The following EPG5 variants were observed in gnomAD, a reference collection of about 807,000 sequenced individuals.
EPG5 encodes the protein ectopic P granules protein 5 homolog.
A neutral mutation model predicts 302.7 loss-of-function variants in EPG5; 159 were observed. The observed-to-expected ratio is 0.53, with a 90% CI of 0.46 to 0.60. The LOEUF (loss-of-function observed/expected upper bound fraction) is 0.60, where lower values mean the gene tolerates loss of function less well. EPG5 is among the 20% of genes least tolerant of loss of function. The probability of loss-of-function intolerance (pLI) is 0.00; values close to 1 mark genes in which losing one functional copy is unlikely to be tolerated. For synonymous variants in EPG5, 1,158 were observed against 1,136.8 expected (o/e 1.02, Z -0.37); for missense variants, 2,896 against 3,092.4 (o/e 0.94, Z 1.51).
intron 9 of EPG5, among the ~76,000 whole-genome samples, chr18:45,941,319 C>A (rs2050661394): frequency 6.6e-6 from 1 of 152,080 alleles, no homozygotes; most frequent in African/African-American, 2.4e-5. Context: ...GTGAGAGATG[C>A]CAAGTAGGAT....
At chr18:45,870,243 G>T (rs1160846750) in intron 36 of EPG5, among the ~76,000 whole-genome samples, 1 of 152,130 alleles carries the variant, frequency 6.6e-6, no homozygotes, top group Non-Finnish European at 1.5e-5. Flanking sequence ...AAACTGTAAT[G>T]ACACAAACAC....
the EPG5 span, chr18:45,829,309 T>G: frequency 4.1e-6 from 1 of 243,654 alleles, no homozygotes; most frequent in Non-Finnish European, 6.6e-6. Flanking sequence ...ACCTCACCCC[T>G]TCCCGGGAAC....
At chr18:45,958,326 GA>G (rs767440656) in intron 1 of EPG5, among the ~76,000 whole-genome samples, 7 of 152,248 alleles carry the variant, frequency 4.6e-5, no homozygotes, top group South Asian at 4.1e-4. Context: ...TTGATAAACT[GA>G]TACTTAAATT....
chr18:45,921,963 T>TAAA (rs751461636), intron 16 of EPG5, among the ~76,000 whole-genome samples: 2 of 113,050 alleles, frequency 1.8e-5, no homozygotes, highest in African/African-American at 3.2e-5. Context: ...AAGTAAAATT[T>TAAA]AAAAAAAAAA....
At chr18:45,882,510 A>C in intron 30 of EPG5, 23 bp from the exon 31 acceptor site, 2 of 1,591,008 alleles carry the variant, frequency 1.3e-6, no homozygotes, top group Non-Finnish European at 1.7e-6. Flanking sequence ...AGAAACAAAA[A>C]GCCGTTTTAT....
chr18:45,855,296 T>A, intron 43 of EPG5: 1 of 306,088 alleles, frequency 3.3e-6, no homozygotes, highest in Non-Finnish European at 6.2e-6. Context: ...GATAAGTGCA[T>A]ATTCACACTT....
intron 5 of EPG5, among the ~76,000 whole-genome samples, chr18:45,948,952 C>T (rs980343622): frequency 2.6e-5 from 4 of 152,202 alleles, no homozygotes; most frequent in Non-Finnish European, 5.9e-5. Context: ...ATTTGGCAAA[C>T]ATTTTGGCTC....
At chr18:45,922,914 T>G (rs1349935764) in intron 15 of EPG5, among the ~76,000 whole-genome samples, 2 of 152,238 alleles carry the variant, frequency 1.3e-5, no homozygotes, top group Admixed American at 1.3e-4. Context: ...ATAGCGCTTG[T>G]CAATTTTGGT....
At chr18:45,887,612 C>T in intron 29 of EPG5, 139 bp downstream of exon 29, 3 of 613,476 alleles carry the variant, frequency 4.9e-6, no homozygotes, top group Non-Finnish European at 7.4e-6. Context: ...GAGAAGCCTA[C>T]AACTCCAAGA....
chr18:45,858,724 C>T lies in EPG5; in HGVS notation c.7068G>A (p.Glu2356=), dbSNP rs759227711. The change falls in exon 41 of 44, where the codon GAG becomes GAA. Residue 2356 remains glutamate, a synonymous_variant. Transcript: ENST00000282041. ...GPILVSLQVP[E]LTMEEFLQEC... is the part of the protein sequence containing the mutation. ...CCTGCAGGAACTCTTCCATGGTGAGCTCGGGAACCTGAAGGGATACCAGAA... is the reference window on the plus strand; with the variant it reads ...CCTGCAGGAACTCTTCCATGGTGAGTTCGGGAACCTGAAGGGATACCAGAA... 1.0e-4 allele frequency: 163 copies of T among 1,614,050 alleles called. No homozygotes were observed. Among genetic ancestry groups the T allele is most frequent in the Non-Finnish European group, 1.3e-4 (158 of 1,180,034 alleles).
intron 2 of EPG5, chr18:45,953,852 G>T (rs2050964632): frequency 2.0e-6 from 2 of 985,074 alleles, no homozygotes; most frequent in African/African-American, 3.5e-5. Context: ...ACCCCATGGA[G>T]GCCAAAGTGA....
In EPG5 at chr18:45,955,309, C is replaced by T. The variant is rs1459479756; in HGVS notation, c.93G>A (p.Arg31=). 6.3e-7 allele frequency: 1 copy of T among 1,590,586 alleles called. No homozygotes were observed. The highest frequency in any genetic ancestry group is 1.4e-5 in the African/African-American group (1 of 73,708). ...KEKKKYETPQ[R]EESSEVSLPK... ...GAAGGGAGACTTCACTGGACTCTTC[C>T]CTCTGAGGAGTTTCATACTTCTTCT... The change falls in exon 2 of 44, where the codon AGG becomes AGA. Residue 31 remains arginine, a synonymous_variant. Transcript: ENST00000282041.
At chr18:45,899,375 C>T (rs766091118) in intron 27 of EPG5, 29 bp downstream of exon 27, 33 of 1,612,078 alleles carry the variant, frequency 2.0e-5, no homozygotes, top group Admixed American at 1.0e-4. Flanking sequence ...TTAAAATTCT[C>T]TCAGTTCTGA....
At chr18:45,966,675 C>T (rs897463008) in intron 1 of EPG5, among the ~76,000 whole-genome samples, 2 of 152,164 alleles carry the variant, frequency 1.3e-5, no homozygotes, top group African/African-American at 4.8e-5. Flanking sequence ...TAAACAGAGG[C>T]AGCACTACTA....
At chr18:45,890,070 A>G (rs911192266) in intron 27 of EPG5, 130 bp from the exon 28 acceptor site, 1 of 617,748 alleles carries the variant, frequency 1.6e-6, no homozygotes, top group Non-Finnish European at 2.6e-6. Context: ...TGACTGCCTT[A>G]TAAACTGGTA....
intron 27 of EPG5, among the ~76,000 whole-genome samples, chr18:45,895,437 C>A (rs62095408): frequency 3.5e-5 from 5 of 144,646 alleles, no homozygotes; most frequent in African/African-American, 1.3e-4. Flanking sequence ...GAGTTATACA[C>A]TCTCCAGAAA....
Position 45,917,651 on chromosome 18 carries a change from T to G in EPG5, c.3239+28A>C, listed in dbSNP as rs778628348. 4 of 1,612,990 alleles carry G rather than the reference T, an allele frequency of 2.5e-6. No homozygotes were observed. The Admixed American group carries it at 6.7e-5, about 27-fold the overall frequency. On this transcript the variant is annotated intron_variant, in intron 17 of 43. Transcript: ENST00000282041. Reference sequence around the variant, plus strand: ...GTACTTGCTGGACTGTTTAAGAGTGTCTCCTGCCATAGATGGAACACACTT... The same window carrying G: ...GTACTTGCTGGACTGTTTAAGAGTGGCTCCTGCCATAGATGGAACACACTT...
At chr18:45,825,617 G>C in the EPG5 span, 2 of 1,119,502 alleles carry the variant, frequency 1.8e-6, no homozygotes. Context: ...CTGCAGATCT[G>C]AGTGCCCTGC....
intron 12 of EPG5, among the ~76,000 whole-genome samples, chr18:45,929,886 T>C (rs1428420868): frequency 6.6e-6 from 1 of 152,254 alleles, no homozygotes; most frequent in African/African-American, 2.4e-5. Context: ...ATTCTCAAAC[T>C]GGATTATTAG....
Sources: gnomAD v4.1 joint callset for allele counts (sites outside exome capture counted in the v4.1 genomes callset) on GRCh38, gnomAD v4.1.1 for gene constraint, MANE v1.5 for transcripts, NCBI Gene and HGNC (gene_info 2026-07-23, HGNC 2026-07-21) for gene names.